Variants in CCDC93 observed in about 807,000 individuals in gnomAD.
The protein encoded by CCDC93 is coiled-coil domain-containing protein 93.
Under a neutral mutation model 108.2 loss-of-function variants are expected in CCDC93, and 61 were observed. That is an observed-to-expected ratio of 0.56 (90% CI 0.46 to 0.70). The LOEUF is 0.70. CCDC93 is among the 30% of genes least tolerant of loss of function. The pLI, the probability that CCDC93 is intolerant of heterozygous loss-of-function variation, is 0.00. For missense variants in CCDC93, 685 were observed against 764.2 expected (o/e 0.90, Z 1.22); for synonymous variants, 276 against 260.4 (o/e 1.06, Z -0.58).
At position 117,977,227 on chromosome 2, in the gene CCDC93, G is replaced by A. The variant is rs375139700; in HGVS notation, c.657+767C>T. 6.6e-5 allele frequency among the ~76,000 whole-genome samples: 10 copies of A among 152,242 alleles called. No homozygotes were observed. The East Asian group carries it at 1.9e-3, about 29-fold the overall frequency. On this transcript the variant is annotated intron_variant, in intron 8 of 23. Transcript: ENST00000376300. ...ACTATAGCTGACACTTTATTATTTAGAAGGCAGTGGCTATGAGCACAGGTT... is the reference window on the plus strand; with the variant it reads ...ACTATAGCTGACACTTTATTATTTAAAAGGCAGTGGCTATGAGCACAGGTT...
intron 23 of CCDC93, among the ~76,000 whole-genome samples, chr2:117,922,110 C>A (rs1443079530): frequency 6.6e-6 from 1 of 152,010 alleles, no homozygotes; most frequent in African/African-American, 2.4e-5. Context: ...TTAAGATTTC[C>A]ATAACAAAAA....
chr2:117,926,727 C>T (rs1678119428), intron 23 of CCDC93, among the ~76,000 whole-genome samples: 1 of 152,136 alleles, frequency 6.6e-6, no homozygotes. Flanking sequence ...TGAAACTATT[C>T]CAATCAATAG....
chr2:117,922,702 A>G (rs1677912273), intron 23 of CCDC93, among the ~76,000 whole-genome samples: 1 of 152,246 alleles, frequency 6.6e-6, no homozygotes, highest in Non-Finnish European at 1.5e-5. Context: ...TGCAGTGAGA[A>G]TTCAGAACGC....
At chr2:118,001,619 C>T (rs1417768107) in intron 3 of CCDC93, among the ~76,000 whole-genome samples, 1 of 152,160 alleles carries the variant, frequency 6.6e-6, no homozygotes, top group Non-Finnish European at 1.5e-5. Context: ...AGTCTTCCTC[C>T]TATAGAAGAC....
intron 8 of CCDC93, among the ~76,000 whole-genome samples, chr2:117,977,658 T>C (rs1243275701): frequency 5.3e-5 from 8 of 152,214 alleles, no homozygotes; most frequent in Admixed American, 5.2e-4. Context: ...TTCACATCTA[T>C]TTAGAGTCTC....
intron 23 of CCDC93, among the ~76,000 whole-genome samples, chr2:117,927,915 T>G (rs1468786850): frequency 1.3e-5 from 2 of 152,100 alleles, no homozygotes; most frequent in Non-Finnish European, 2.9e-5. Flanking sequence ...AACAGAGATA[T>G]AGACCAATGG....
At chr2:117,952,325 A>T in intron 13 of CCDC93, 48 bp downstream of exon 13, 1 of 1,291,176 alleles carries the variant, frequency 7.7e-7, no homozygotes, top group South Asian at 1.2e-5. Context: ...CAGGTCAAAA[A>T]CAATTCTTGA....
chr2:117,993,469 T>C (rs1680550205), intron 6 of CCDC93, among the ~76,000 whole-genome samples: 2 of 151,490 alleles, frequency 1.3e-5, no homozygotes, highest in Admixed American at 6.6e-5. Context: ...CCTTAATGTG[T>C]ACTTACTGTT....
At chr2:117,950,683 G>A in intron 13 of CCDC93, 2 of 985,442 alleles carry the variant, frequency 2.0e-6, no homozygotes, top group Non-Finnish European at 2.4e-6. Context: ...GGAGAACCAG[G>A]CCCAGAGGTG....
At chr2:117,932,906 C>CTCTA (rs1678394182) in intron 22 of CCDC93, among the ~76,000 whole-genome samples, 1 of 152,212 alleles carries the variant, frequency 6.6e-6, no homozygotes, top group Non-Finnish European at 1.5e-5. Flanking sequence ...CAGCCAGCAG[C>CTCTA]TCTATCTCAG....
chr2:117,921,645 G>C (rs140988624), intron 23 of CCDC93: 1 of 152,172 alleles, frequency 6.6e-6, no homozygotes, highest in Non-Finnish European at 1.5e-5. Flanking sequence ...AAACCCCCAC[G>C]GTCAATTTTT....
chr2:117,929,749 G>A (rs985059417), intron 23 of CCDC93, among the ~76,000 whole-genome samples: 1 of 152,196 alleles, frequency 6.6e-6, no homozygotes, highest in Non-Finnish European at 1.5e-5. Context: ...GCTGCAGCCT[G>A]TGCTAGCCTC....
At position 117,974,896 on chromosome 2, in the gene CCDC93, C is replaced by T. The variant is rs188870650; in HGVS notation, c.755G>A (p.Arg252His). ...EDELRAAEEQ[R>H]IQSLMTKMTA... is the part of the protein sequence containing the mutation. ...CATCTTGGTCATCAGCGACTGAATACGCTGCTGAAAGAGGAATGGAAGGGA... is the reference window on the plus strand; with the variant it reads ...CATCTTGGTCATCAGCGACTGAATATGCTGCTGAAAGAGGAATGGAAGGGA... The change falls in exon 10 of 24, where the codon CGT becomes CAT. Residue 252 changes from arginine to histidine, a missense_variant. By Grantham distance (29) the Arg-to-His change is conservative. Coordinates refer to ENST00000376300, the MANE Select transcript of CCDC93 (RefSeq NM_019044.5). The T allele has an allele frequency of 5.6e-5, 88 of 1,563,242 alleles. No individual in the cohort carries two copies. The highest frequency in any genetic ancestry group is 7.1e-5 in the Non-Finnish European group (82 of 1,152,934).
intron 18 of CCDC93, among the ~76,000 whole-genome samples, chr2:117,941,986 C>A (rs1678716217): frequency 6.6e-6 from 1 of 152,192 alleles, no homozygotes; most frequent in Non-Finnish European, 1.5e-5. Context: ...TCCACCATAT[C>A]CTCCCACTCT....
At chr2:117,986,102 T>A (rs1573514736) in intron 6 of CCDC93, 33 bp from the exon 7 acceptor site, 1 of 1,345,396 alleles carries the variant, frequency 7.4e-7, no homozygotes, top group Non-Finnish European at 1.1e-6. Context: ...TTACTGAGTG[T>A]GAGAAGGCTC....
chr2:117,968,488 C>A (rs963678798), intron 11 of CCDC93, among the ~76,000 whole-genome samples: 1 of 152,164 alleles, frequency 6.6e-6, no homozygotes, highest in Non-Finnish European at 1.5e-5. Flanking sequence ...CTAGAGTCTA[C>A]GGACACTCAT....
chr2:117,937,286 T>A (rs1678555437), intron 20 of CCDC93, among the ~76,000 whole-genome samples: 1 of 152,074 alleles, frequency 6.6e-6, no homozygotes, highest in South Asian at 2.1e-4. Context: ...CCGCAGCAAA[T>A]CCTCTTATCT....
chr2:117,920,265 G>T lies in CCDC93; in HGVS notation c.*78C>A. The T allele has an allele frequency of 2.1e-6, 2 of 955,844 alleles. No individual in the cohort carries two copies. Among genetic ancestry groups the T allele is most frequent in the Non-Finnish European group, 3.3e-6 (2 of 610,324 alleles). The allele number at this position is 955,844 out of a possible 1,614,324, so 59.2% of individuals were successfully genotyped here. A position where few individuals can be genotyped will look rare whatever the true frequency, so the allele number is the denominator to read the frequency against. Reference sequence around the variant, plus strand: ...CTGCATCTCTCTACTGTCGCTTTCAGAACCATTTCATGATCTTGTAGGTGA... The same window carrying T: ...CTGCATCTCTCTACTGTCGCTTTCATAACCATTTCATGATCTTGTAGGTGA... On this transcript the variant is annotated 3_prime_UTR_variant, in exon 24 of 24. Coordinates refer to ENST00000376300, the MANE Select transcript of CCDC93 (RefSeq NM_019044.5).
chr2:117,927,672 T>C (rs1484626964), intron 23 of CCDC93, among the ~76,000 whole-genome samples: 1 of 152,112 alleles, frequency 6.6e-6, no homozygotes, highest in African/African-American at 2.4e-5. Flanking sequence ...ATCGTGAAAA[T>C]GGCCATACTG....
Sources: allele counts gnomAD v4.1 joint callset (sites outside exome capture counted in the v4.1 genomes callset), GRCh38; gene constraint gnomAD v4.1.1; transcripts MANE v1.5; gene names NCBI Gene and HGNC (gene_info 2026-07-23, HGNC 2026-07-21).